PCLO: variants seen among roughly 807,000 people sequenced by gnomAD.
PCLO encodes piccolo presynaptic cytomatrix protein, also known as protein piccolo.
Under a neutral mutation model 427.5 loss-of-function variants are expected in PCLO, and 82 were observed. The ratio of observed to expected loss-of-function variants is 0.19; its 90% CI spans 0.16 to 0.23. The LOEUF is 0.23. Ranked by LOEUF, PCLO falls within the 10% of genes least tolerant of loss-of-function variation. PCLO has a pLI of 1.00. For synonymous variants in PCLO, 2,357 were observed against 2,155.4 expected, an observed-to-expected ratio of 1.09 and a Z score of -2.59; for missense variants, 6,239 against 6,115.9, an observed-to-expected ratio of 1.02 and a Z score of -0.67.
At chr7:83,056,887 C>T (rs1358465287) in intron 3 of PCLO, among the ~76,000 whole-genome samples, 1 of 152,090 alleles carries the variant, frequency 6.6e-6, no homozygotes, top group Non-Finnish European at 1.5e-5. Context: ...AATAATAAAA[C>T]TTCTCTTTTG....
intron 20 of PCLO, chr7:82,821,524 G>A: frequency 1.0e-6 from 1 of 984,074 alleles, no homozygotes; most frequent in South Asian, 4.7e-5. Context: ...TCCATTGCCT[G>A]GCTAATGCCT....
intron 3 of PCLO, among the ~76,000 whole-genome samples, chr7:83,007,131 T>C (rs761891331): frequency 6.6e-6 from 1 of 151,564 alleles, no homozygotes; most frequent in Non-Finnish European, 1.5e-5. Context: ...GTTATTGGAA[T>C]AGTGATATGG....
At chr7:82,999,094 C>T (rs1339190845) in intron 3 of PCLO, among the ~76,000 whole-genome samples, 2 of 147,710 alleles carry the variant, frequency 1.4e-5, no homozygotes, top group Non-Finnish European at 3.0e-5. Flanking sequence ...ATTAAAGAAT[C>T]TCTGAGATTA....
At chr7:83,007,489 TAAC>T (rs1016814341) in intron 3 of PCLO, among the ~76,000 whole-genome samples, 19 of 151,628 alleles carry the variant, frequency 1.3e-4, no homozygotes, top group Admixed American at 4.6e-4. Flanking sequence ...GGAAAAACGA[TAAC>T]AACTTAAATT....
At position 82,956,256 on chromosome 7, in the gene PCLO, T is replaced by C. The variant is rs748686744; in HGVS notation, c.4697A>G (p.Asp1566Gly). The change falls in exon 5 of 25, where the codon GAT becomes GGT. Residue 1566 changes from aspartate (D) to glycine (G), a missense_variant. Physicochemically the swap from Asp to Gly is moderately conservative, Grantham distance 94. Transcript: ENST00000333891. ...ATCTTCAGAACCTGAAGCATCTTCA[T>C]CAGCACTCATTTCTATGATTTGTTT... ...IRKQIIEMSA[D>G]EDASGSEDDE... 58 of 1,612,006 alleles carry C rather than the reference T, an allele frequency of 3.6e-5. No individual in the cohort carries two copies. Among genetic ancestry groups the C allele is most frequent in the South Asian group, 3.2e-4 (29 of 91,092 alleles).
At chr7:83,036,160 G>A (rs2116174817) in intron 3 of PCLO, among the ~76,000 whole-genome samples, 1 of 152,186 alleles carries the variant, frequency 6.6e-6, no homozygotes, top group South Asian at 2.1e-4. Context: ...AATCTGTGAG[G>A]TGACCCTCAA....
At chr7:82,818,795 C>T (rs946606687) in intron 20 of PCLO, among the ~76,000 whole-genome samples, 3 of 152,188 alleles carry the variant, frequency 2.0e-5, no homozygotes. Context: ...ACCTCATCCA[C>T]TTAATGTGAT....
At chr7:83,150,524 G>A (rs1333204878) in intron 2 of PCLO, among the ~76,000 whole-genome samples, 1 of 152,162 alleles carries the variant, frequency 6.6e-6, no homozygotes, top group Non-Finnish European at 1.5e-5. Context: ...GTTGGGTCGG[G>A]GAGTGATGAT....
intron 20 of PCLO, among the ~76,000 whole-genome samples, chr7:82,818,258 CTTGTT>C (rs1195169421): frequency 8.5e-5 from 13 of 152,116 alleles, no homozygotes; most frequent in Non-Finnish European, 1.5e-5. Context: ...CTCCATAATT[CTTGTT>C]TGACCCATAT....
intron 22 of PCLO, among the ~76,000 whole-genome samples, chr7:82,794,920 A>C (rs552080369): frequency 6.6e-6 from 1 of 151,944 alleles, no homozygotes; most frequent in Admixed American, 6.6e-5. Context: ...CATTGCTTTT[A>C]TTTTTGGTTT....
chr7:82,985,228 C>A (rs1314101126), intron 3 of PCLO, among the ~76,000 whole-genome samples: 1 of 151,958 alleles, frequency 6.6e-6, no homozygotes, highest in Non-Finnish European at 1.5e-5. Context: ...AGAGGTAGGG[C>A]AGACAAGGTA....
chr7:82,892,395 T>C (rs1176937105), intron 9 of PCLO, among the ~76,000 whole-genome samples: 4 of 152,080 alleles, frequency 2.6e-5, no homozygotes, highest in Admixed American at 1.3e-4. Flanking sequence ...TGAAACTGGA[T>C]CCCTTCCTTA....
chr7:82,966,484 G>C lies in PCLO; in HGVS notation c.3304C>G (p.Gln1102Glu). Residue 1102 changes from glutamine (Q) to glutamate (E), a missense_variant, in exon 4 of 25, where the codon CAA (glutamine) becomes GAA (glutamate). Gln to Glu is a conservative substitution (Grantham distance 29). Coordinates refer to ENST00000333891, the MANE Select transcript of PCLO (RefSeq NM_033026.6). ...FNPTPHLTEI[Q>E]EWLCLNCQTQ... ...TGGCAATTTAAACAAAGCCATTCTT[G>C]AATCTGTGGGAAAAAAATTACAATG... 6.5e-7 allele frequency: 1 copy of C among 1,541,548 alleles called. No homozygotes were observed. The highest frequency in any genetic ancestry group is 1.2e-5 in the South Asian group (1 of 82,454).
chr7:82,824,460 T>TA, intron 18 of PCLO, 44 bp from the exon 19 acceptor site: 1 of 1,225,998 alleles, frequency 8.2e-7, no homozygotes, highest in Non-Finnish European at 1.2e-6. Context: ...GGGACTAAAG[T>TA]ATAATTGATT....
chr7:82,874,591 T>TAAGGA (rs1458037176), intron 10 of PCLO, among the ~76,000 whole-genome samples: 1 of 152,186 alleles, frequency 6.6e-6, no homozygotes, highest in Non-Finnish European at 1.5e-5. Context: ...CAAAACTTCC[T>TAAGGA]AAAATTGTAA....
chr7:82,960,675 T>C (rs1020759434), intron 4 of PCLO, among the ~76,000 whole-genome samples: 2 of 152,192 alleles, frequency 1.3e-5, no homozygotes, highest in African/African-American at 4.8e-5. Context: ...TTAATTTTAA[T>C]GCTATTCAAC....
chr7:82,879,233 G>T, intron 10 of PCLO, 104 bp downstream of exon 10: 4 of 953,634 alleles, frequency 4.2e-6, no homozygotes, highest in Non-Finnish European at 6.0e-6. Context: ...TAAGGAGAGA[G>T]GTTTACCTAC....
At chr7:83,059,956 G>C (rs887886935) in intron 3 of PCLO, among the ~76,000 whole-genome samples, 1 of 152,146 alleles carries the variant, frequency 6.6e-6, no homozygotes, top group Non-Finnish European at 1.5e-5. Flanking sequence ...AATACACTGA[G>C]GAGAAACAAA....
At chr7:82,858,309 AAT>A (rs1451387272) in intron 10 of PCLO, among the ~76,000 whole-genome samples, 1 of 152,210 alleles carries the variant, frequency 6.6e-6, no homozygotes, top group Non-Finnish European at 1.5e-5. Context: ...GTATACAAGG[AAT>A]ATACCTCAAA....
Sources: gnomAD v4.1 joint callset for allele counts (sites outside exome capture counted in the v4.1 genomes callset) on GRCh38, gnomAD v4.1.1 for gene constraint, MANE v1.5 for transcripts, NCBI Gene and HGNC (gene_info 2026-07-23, HGNC 2026-07-21) for gene names.